DENND5A: variants seen among roughly 807,000 people sequenced by gnomAD.
DENND5A encodes DENN domain-containing protein 5A.
Under a neutral mutation model 140.3 loss-of-function variants are expected in DENND5A, and 64 were observed. The observed-to-expected ratio is 0.46, with a 90% CI of 0.37 to 0.56. The LOEUF (loss-of-function observed/expected upper bound fraction) is 0.56. Ranked by LOEUF, DENND5A falls within the 20% of genes least tolerant of loss-of-function variation. DENND5A has a pLI of 0.00. For missense variants in DENND5A, 1,292 were observed against 1,593.8 expected, an observed-to-expected ratio of 0.81 and a Z score of 3.22; for synonymous variants, 605 against 607.7, an observed-to-expected ratio of 1.00 and a Z score of 0.07.
At position 9,202,313 on chromosome 11, in the gene DENND5A, T is replaced by C. The variant is rs922775060; in HGVS notation, c.949+1347A>G. 2.0e-5 allele frequency among the ~76,000 whole-genome samples: 3 copies of C among 152,302 alleles called. No individual in the cohort carries two copies. In the East Asian group the frequency reaches 5.8e-4, roughly 29 times the overall value. ...GGGTACCAGAGAAACTTTAATATAGTATTGTCTCAATGTTAGGTTTTCCAA... is the reference window on the plus strand; with the variant it reads ...GGGTACCAGAGAAACTTTAATATAGCATTGTCTCAATGTTAGGTTTTCCAA... On this transcript the variant is annotated intron_variant, in intron 4 of 22. Coordinates refer to ENST00000328194, the MANE Select transcript of DENND5A (RefSeq NM_015213.4).
chr11:9,251,528 A>C (rs1391294716), intron 1 of DENND5A, among the ~76,000 whole-genome samples: 1 of 152,154 alleles, frequency 6.6e-6, no homozygotes, highest in Non-Finnish European at 1.5e-5. Context: ...CCCTGAAGGC[A>C]TACTGAAAAC....
At chr11:9,261,284 G>A (rs988188078) in intron 1 of DENND5A, among the ~76,000 whole-genome samples, 2 of 152,218 alleles carry the variant, frequency 1.3e-5, no homozygotes, top group South Asian at 2.1e-4. Context: ...CCTGAGCTAT[G>A]TAAGTTAACT....
At chr11:9,239,566 A>G (rs1438633207) in intron 1 of DENND5A, among the ~76,000 whole-genome samples, 1 of 152,046 alleles carries the variant, frequency 6.6e-6, no homozygotes, top group African/African-American at 2.4e-5. Flanking sequence ...TCCTGGGCTC[A>G]AGCCATCCTC....
In DENND5A at chr11:9,150,152, C is replaced by T. The variant is rs77389721; in HGVS notation, c.2664G>A (p.Val888=). The T allele has an allele frequency of 1.9e-3, 3,112 of 1,614,042 alleles. 61 individuals carry two copies. The African/African-American group carries it at 0.037, about 19-fold the overall frequency. The change falls in exon 15 of 23, where the codon GTG becomes GTA. Residue 888 remains valine, a synonymous_variant. Coordinates refer to ENST00000328194, the MANE Select transcript of DENND5A (RefSeq NM_015213.4). ...KTDVGKARAW[V]RLSMEKKLLS... ...GTAACTTTTTTTCCATGGACAGTCG[C>T]ACCCATGCTCTGGCCTTTCCCACAT... is the stretch of plus-strand genomic sequence containing the variant.
At chr11:9,234,917 T>TC (rs2136260092) in intron 1 of DENND5A, among the ~76,000 whole-genome samples, 1 of 152,214 alleles carries the variant, frequency 6.6e-6, no homozygotes, top group South Asian at 2.1e-4. Flanking sequence ...GCTGTGAGAC[T>TC]CCCGATTTCC....
chr11:9,141,309 G>A lies in DENND5A; in HGVS notation c.3680+631C>T, dbSNP rs900019328. ...TTTCAAAATGGGGCCCCTCTGCCCC[G>A]AGTTACATACACGTTGTCATCCCTA... On this transcript the variant is annotated intron_variant, in intron 22 of 22. Transcript: ENST00000328194. Among the ~76,000 whole-genome samples, 5 of 152,230 alleles carry A rather than the reference G, an allele frequency of 3.3e-5. No homozygotes were observed. In the East Asian group the frequency reaches 5.8e-4, roughly 18 times the overall value.
At chr11:9,156,341 C>T (rs1847801367) in intron 12 of DENND5A, among the ~76,000 whole-genome samples, 1 of 152,106 alleles carries the variant, frequency 6.6e-6, no homozygotes, top group Admixed American at 6.5e-5. Flanking sequence ...CTAAAAAGCC[C>T]CCATTATTTT....
At chr11:9,193,742 T>C in intron 4 of DENND5A, 61 bp from the exon 5 acceptor site, 1 of 1,402,360 alleles carries the variant, frequency 7.1e-7, no homozygotes, top group Non-Finnish European at 9.7e-7. Context: ...GGCACTTGCT[T>C]TCCAAACAGT....
chr11:9,252,261 A>G (rs1251157330), intron 1 of DENND5A, among the ~76,000 whole-genome samples: 2 of 141,774 alleles, frequency 1.4e-5, no homozygotes, highest in Non-Finnish European at 3.0e-5. Flanking sequence ...ACACCACTGC[A>G]CTCCAGCCTG....
chr11:9,225,756 T>G (rs1460435641), intron 1 of DENND5A, among the ~76,000 whole-genome samples: 1 of 152,056 alleles, frequency 6.6e-6, no homozygotes, highest in Non-Finnish European at 1.5e-5. Flanking sequence ...AGCAAGACTC[T>G]GTCTCAAAAA....
intron 1 of DENND5A, among the ~76,000 whole-genome samples, chr11:9,228,204 C>A (rs917029758): frequency 6.6e-6 from 1 of 151,356 alleles, no homozygotes; most frequent in South Asian, 2.1e-4. Context: ...CAGATGAGCA[C>A]AGCGTTTGTA....
chr11:9,259,865 C>T (rs990273638), intron 1 of DENND5A, among the ~76,000 whole-genome samples: 1 of 151,838 alleles, frequency 6.6e-6, no homozygotes, highest in African/African-American at 2.4e-5. Flanking sequence ...CCTGTCTCTA[C>T]TAAAAATACA....
intron 14 of DENND5A, 34 bp from the exon 15 acceptor site, chr11:9,150,243 G>A: frequency 1.2e-6 from 2 of 1,608,818 alleles, no homozygotes; most frequent in South Asian, 1.1e-5. Context: ...AGTGGAGGGT[G>A]GGATGGGAGA....
In DENND5A at chr11:9,150,096, T is replaced by A. The variant is rs1254916087; in HGVS notation, c.2720A>T (p.Asp907Val). 1.2e-6 allele frequency: 2 copies of A among 1,613,412 alleles called. No individual in the cohort carries two copies. The highest frequency in any genetic ancestry group is 3.3e-5 in the Admixed American group (2 of 59,968). Residue 907 changes from aspartate (D) to valine (V), a missense_variant, in exon 15 of 23, where the codon GAC becomes GTC. Around this residue, in one of 4 missense-constraint regions of DENND5A, gnomAD observed 498 missense variants for 689.7 expected, o/e 0.72. Coordinates refer to ENST00000328194, the MANE Select transcript of DENND5A (RefSeq NM_015213.4). ...GCAGCCTTACTTGGTGAGCTCATGG[T>A]CTGAGAGGAGCTGCTTCAGGTGTCT... ...LSRHLKQLLS[D>V]HELTKKLYKR...
Position 9,204,012 on chromosome 11 carries a change from G to C in DENND5A, c.597C>G (p.Asp199Glu), listed in dbSNP as rs1327129052. The C allele has an allele frequency of 6.2e-7, 1 of 1,614,142 alleles. No homozygotes were observed. Among genetic ancestry groups the C allele is most frequent in the South Asian group, 1.1e-5 (1 of 91,090 alleles). The change falls in exon 4 of 23, where the codon GAC becomes GAG. Residue 199 changes from aspartate to glutamate, a missense_variant. Asp to Glu is a conservative substitution (Grantham distance 45). Coordinates refer to ENST00000328194, the MANE Select transcript of DENND5A (RefSeq NM_015213.4). ...AGATGCACTTAGAGACGTAGAGAGTGTCCCGGCTAATGTCATAGGAGTTGA... is the reference window on the plus strand; with the variant it reads ...AGATGCACTTAGAGACGTAGAGAGTCTCCCGGCTAATGTCATAGGAGTTGA... ...QRFNSYDISR[D>E]TLYVSKCICL...
At chr11:9,243,087 C>CAAAAAAAAAAAA (rs539119487) in intron 1 of DENND5A, among the ~76,000 whole-genome samples, 1 of 66,886 alleles carries the variant, frequency 1.5e-5, no homozygotes, top group Non-Finnish European at 2.6e-5. Flanking sequence ...GACTCTGTCT[C>CAAAAAAAAAAAA]AAAAAAAAAA....
Position 9,190,021 on chromosome 11 carries a change from A to T in DENND5A, c.1137+3473T>A, listed in dbSNP as rs547069029. Among the ~76,000 whole-genome samples, 5 of 152,162 alleles carry T rather than the reference A, an allele frequency of 3.3e-5. No individual in the cohort carries two copies. The South Asian group carries it at 1.0e-3, about 32-fold the overall frequency. On this transcript the variant is annotated intron_variant, in intron 5 of 22. Transcript: ENST00000328194. ...GATCATTTTGGAACTTTAAGATTTG[A>T]CTGCCCCGCTGGATTTCAGACTTGC...
At chr11:9,180,179 C>A (rs545237348) in intron 6 of DENND5A, among the ~76,000 whole-genome samples, 1 of 152,152 alleles carries the variant, frequency 6.6e-6, no homozygotes, top group South Asian at 2.1e-4. Context: ...CTGGGCCTGG[C>A]ACGGTGGCTC....
intron 6 of DENND5A, among the ~76,000 whole-genome samples, chr11:9,179,656 C>T (rs1388095026): frequency 2.0e-5 from 3 of 152,126 alleles, no homozygotes; most frequent in East Asian, 1.9e-4. Context: ...TGCGCCACCA[C>T]GCCCGGCTAA....
Sources: allele counts gnomAD v4.1 joint callset (sites outside exome capture counted in the v4.1 genomes callset), GRCh38; gene constraint gnomAD v4.1.1; regional missense constraint gnomAD v4.1.1; transcripts MANE v1.5; gene names NCBI Gene and HGNC (gene_info 2026-07-23, HGNC 2026-07-21).